DLG2: variants seen among roughly 807,000 people sequenced by gnomAD.
DLG2 encodes the protein discs large MAGUK scaffold protein 2.
DLG2 carries 45 observed loss-of-function variants against 132.5 expected under a neutral mutation model. The ratio of observed to expected loss-of-function variants is 0.34; its 90% CI spans 0.27 to 0.44. DLG2 has a LOEUF of 0.44. DLG2 is among the 20% of genes least tolerant of loss of function. The pLI, the probability that DLG2 is intolerant of heterozygous loss-of-function variation, is 1.00. For missense variants in DLG2, 1,045 were observed against 1,196.9 expected, an observed-to-expected ratio of 0.87 and a Z score of 1.87; for synonymous variants, 424 against 419.6, an observed-to-expected ratio of 1.01 and a Z score of -0.13.
In DLG2 at chr11:85,257,331, A is replaced by G. The variant is rs374644340; in HGVS notation, c.186+27889T>C. On this transcript the variant is annotated intron_variant, in intron 4 of 27. Transcript: ENST00000376104. ...TGAAATCTGTTCAGAATGCTGTGGA[A>G]TGAGTTGAACTTAGAAGTACCTTTT... Among the ~76,000 whole-genome samples, 150 of 152,340 alleles carry G rather than the reference A, an allele frequency of 9.8e-4. 1 individual carries two copies. In the South Asian group the frequency reaches 0.011, roughly 11 times the overall value.
At chr11:84,613,858 A>T (rs952390824) in intron 6 of DLG2, among the ~76,000 whole-genome samples, 2 of 152,194 alleles carry the variant, frequency 1.3e-5, no homozygotes. Flanking sequence ...ATCAGAAAGT[A>T]CATTCTTAGG....
At chr11:83,874,884 T>C (rs1298724770) in intron 15 of DLG2, among the ~76,000 whole-genome samples, 2 of 152,178 alleles carry the variant, frequency 1.3e-5, no homozygotes, top group African/African-American at 2.4e-5. Context: ...AAGTAAGCTT[T>C]TAACGATAGG....
chr11:84,937,378 C>T (rs1473851563), intron 6 of DLG2, among the ~76,000 whole-genome samples: 2 of 98,820 alleles, frequency 2.0e-5, no homozygotes, highest in African/African-American at 1.1e-4. Context: ...CTAGGTCATA[C>T]CAGACCAAAA....
intron 6 of DLG2, among the ~76,000 whole-genome samples, chr11:84,976,405 T>C (rs1247661856): frequency 6.6e-6 from 1 of 152,156 alleles, no homozygotes; most frequent in Non-Finnish European, 1.5e-5. Context: ...AGGTCACACA[T>C]AACAGAGAAC....
At chr11:83,704,053 G>A (rs1313665341) in intron 18 of DLG2, among the ~76,000 whole-genome samples, 1 of 151,996 alleles carries the variant, frequency 6.6e-6, no homozygotes, top group African/African-American at 2.4e-5. Context: ...TAAATGGCAA[G>A]GACCTACAAC....
intron 8 of DLG2, among the ~76,000 whole-genome samples, chr11:84,167,823 TGCC>T (rs1328500629): frequency 1.3e-5 from 2 of 152,126 alleles, no homozygotes; most frequent in African/African-American, 4.8e-5. Context: ...TGCACCACCA[TGCC>T]AAGCTAATTT....
intron 6 of DLG2, among the ~76,000 whole-genome samples, chr11:84,682,586 A>T (rs1249145812): frequency 6.6e-6 from 1 of 152,160 alleles, no homozygotes; most frequent in East Asian, 1.9e-4. Context: ...CTGAAGGCTA[A>T]CAGCTCTGGG....
At chr11:84,409,056 C>A (rs990539938) in intron 7 of DLG2, among the ~76,000 whole-genome samples, 1 of 152,172 alleles carries the variant, frequency 6.6e-6, no homozygotes, top group Non-Finnish European at 1.5e-5. Context: ...CTGTTTACTG[C>A]TCAAGTCTCA....
rs113751640 is a variant in DLG2 at position 84,346,979 on chromosome 11, C to G, written c.520-95688G>C. Among the ~76,000 whole-genome samples, 225 of 152,260 alleles carry G rather than the reference C, an allele frequency of 1.5e-3. 1 individual carries two copies. Among genetic ancestry groups the G allele is most frequent in the African/African-American group, 5.2e-3 (215 of 41,540 alleles). ...CAATGTATCTAGGATAGTCGTTTCA[C>G]TAAATAATTGCAGATAATATTTAAA... is the stretch of plus-strand genomic sequence containing the variant. On this transcript the variant is annotated intron_variant, in intron 7 of 27. Coordinates refer to ENST00000376104, the MANE Select transcript of DLG2 (RefSeq NM_001142699.3).
intron 7 of DLG2, among the ~76,000 whole-genome samples, chr11:84,278,130 C>T (rs1228421906): frequency 6.8e-6 from 1 of 147,636 alleles, no homozygotes; most frequent in African/African-American, 2.5e-5. Flanking sequence ...TCAAGCAATC[C>T]TCCAGCCTCA....
At chr11:83,843,366 C>T (rs947110045) in intron 16 of DLG2, among the ~76,000 whole-genome samples, 5 of 152,144 alleles carry the variant, frequency 3.3e-5, no homozygotes, top group African/African-American at 1.2e-4. Flanking sequence ...CTCTGCTGTC[C>T]CCTCTACCCT....
At chr11:85,184,883 G>A (rs1173759099) in intron 4 of DLG2, among the ~76,000 whole-genome samples, 3 of 151,624 alleles carry the variant, frequency 2.0e-5, no homozygotes, top group Non-Finnish European at 4.4e-5. Flanking sequence ...AAAAAAAACT[G>A]ATATGATAAA....
chr11:84,483,420 G>C (rs1567750951), intron 7 of DLG2, among the ~76,000 whole-genome samples: 1 of 106,988 alleles, frequency 9.3e-6, no homozygotes, highest in Non-Finnish European at 1.8e-5. Context: ...AACAGAGCCA[G>C]ACTCCGCCTC....
chr11:85,294,573 C>A lies in DLG2; in HGVS notation c.41-9208G>T, dbSNP rs1596011390. On this transcript the variant is annotated intron_variant, in intron 3 of 27. Coordinates refer to ENST00000376104, the MANE Select transcript of DLG2 (RefSeq NM_001142699.3). ...ACTTAACTTCTCTAAACCTCACCTT[C>A]TTCACCTATAAAATTTACATGTGTA... 3.3e-5 allele frequency among the ~76,000 whole-genome samples: 5 copies of A among 152,262 alleles called. No individual in the cohort carries two copies. In the South Asian group the frequency reaches 1.0e-3, roughly 32 times the overall value.
chr11:84,697,873 C>G (rs2058781379), intron 6 of DLG2, among the ~76,000 whole-genome samples: 1 of 151,288 alleles, frequency 6.6e-6, no homozygotes, highest in African/African-American at 2.4e-5. Context: ...ATGGACCTAG[C>G]ACCATTGAAA....
intron 6 of DLG2, among the ~76,000 whole-genome samples, chr11:84,825,967 T>G (rs775593775): frequency 6.6e-6 from 1 of 151,920 alleles, no homozygotes; most frequent in Non-Finnish European, 1.5e-5. Context: ...CATTTAATGG[T>G]TTGATATATA....
intron 7 of DLG2, among the ~76,000 whole-genome samples, chr11:84,289,516 C>T (rs890243331): frequency 3.4e-4 from 51 of 152,206 alleles, no homozygotes; most frequent in African/African-American, 1.1e-3. Context: ...ACATGACTCA[C>T]TCTCTCAGTA....
At chr11:83,809,409 T>C (rs1051872622) in intron 17 of DLG2, among the ~76,000 whole-genome samples, 3 of 152,190 alleles carry the variant, frequency 2.0e-5, no homozygotes, top group East Asian at 1.9e-4. Flanking sequence ...TTAGGGTTTT[T>C]CCATGTAGGG....
chr11:84,659,045 T>G (rs917866221), intron 6 of DLG2, among the ~76,000 whole-genome samples: 10 of 152,214 alleles, frequency 6.6e-5, no homozygotes, highest in Non-Finnish European at 1.0e-4. Flanking sequence ...TAAATTTCTG[T>G]GGTTTATAAG....
Sources: gnomAD v4.1 joint callset for allele counts (sites outside exome capture counted in the v4.1 genomes callset) on GRCh38, gnomAD v4.1.1 for gene constraint, MANE v1.5 for transcripts, NCBI Gene and HGNC (gene_info 2026-07-23, HGNC 2026-07-21) for gene names.